Variants in GAS2 observed in about 807,000 individuals in gnomAD.
The protein encoded by GAS2 is growth arrest specific 2, also known as growth arrest-specific protein 2.
GAS2 carries 20 observed loss-of-function variants against 37.5 expected under a neutral mutation model. The observed-to-expected ratio is 0.53, with a 90% confidence interval of 0.37 to 0.77. The LOEUF is 0.77. Ranked by LOEUF, GAS2 falls within the 30% of genes least tolerant of loss-of-function variation. The pLI is 0.00. For missense variants in GAS2, 336 were observed against 373.4 expected, an observed-to-expected ratio of 0.90 and a Z score of 0.82; for synonymous variants, 144 against 132.2, an observed-to-expected ratio of 1.09 and a Z score of -0.61.
At chr11:22,799,145 G>T (rs1856555163) in intron 7 of GAS2, among the ~76,000 whole-genome samples, 1 of 152,042 alleles carries the variant, frequency 6.6e-6, no homozygotes, top group African/African-American at 2.4e-5. Flanking sequence ...TAGGCAGTTG[G>T]TGTCAGATAC....
chr11:22,651,497 A>T (rs1466073509), intron 1 of GAS2, among the ~76,000 whole-genome samples: 1 of 152,180 alleles, frequency 6.6e-6, no homozygotes, highest in African/African-American at 2.4e-5. Context: ...TCTCCTGGAT[A>T]ATATCCTGCA....
chr11:22,779,927 T>TTA (rs1855467554), intron 7 of GAS2, among the ~76,000 whole-genome samples: 1 of 152,196 alleles, frequency 6.6e-6, no homozygotes, highest in Admixed American at 6.5e-5. Flanking sequence ...AAGCACCCTG[T>TTA]AATTTTCTTT....
chr11:22,652,784 A>G (rs1371956074), intron 1 of GAS2, among the ~76,000 whole-genome samples: 1 of 152,100 alleles, frequency 6.6e-6, no homozygotes, highest in Admixed American at 6.5e-5. Context: ...TTCGGCTCGC[A>G]CACGGTGCGC....
At chr11:22,718,528 G>A (rs1229215918) in intron 3 of GAS2, among the ~76,000 whole-genome samples, 1 of 151,726 alleles carries the variant, frequency 6.6e-6, no homozygotes, top group Admixed American at 6.6e-5. Flanking sequence ...GGTGGGAGGG[G>A]GTTGAGGGAT....
intron 3 of GAS2, among the ~76,000 whole-genome samples, chr11:22,699,825 T>C (rs1364487485): frequency 6.6e-6 from 1 of 152,202 alleles, no homozygotes; most frequent in Non-Finnish European, 1.5e-5. Flanking sequence ...GTTAACTTTA[T>C]TGTATCATTC....
At chr11:22,650,794 T>G (rs2133830971) in intron 1 of GAS2, among the ~76,000 whole-genome samples, 1 of 152,308 alleles carries the variant, frequency 6.6e-6, no homozygotes, top group South Asian at 2.1e-4. Flanking sequence ...CATCCTTTTA[T>G]TTTGAGCCTA....
intron 6 of GAS2, among the ~76,000 whole-genome samples, chr11:22,750,177 A>G (rs1853651815): frequency 6.6e-6 from 1 of 152,052 alleles, no homozygotes; most frequent in Non-Finnish European, 1.5e-5. Context: ...GAGAGTCCTT[A>G]GAAACTAGCA....
intron 2 of GAS2, among the ~76,000 whole-genome samples, chr11:22,676,751 G>A (rs1292317632): frequency 1.4e-5 from 2 of 139,898 alleles, no homozygotes; most frequent in African/African-American, 5.1e-5. Context: ...ACATTTGAGT[G>A]TGAAGCAGCA....
At chr11:22,688,673 A>AAC (rs1327220873) in intron 3 of GAS2, among the ~76,000 whole-genome samples, 1 of 152,228 alleles carries the variant, frequency 6.6e-6, no homozygotes, top group African/African-American at 2.4e-5. Flanking sequence ...GCAAGTTATT[A>AAC]AACTTGAAAT....
At chr11:22,707,128 A>G (rs544155837) in intron 3 of GAS2, among the ~76,000 whole-genome samples, 2 of 152,276 alleles carry the variant, frequency 1.3e-5, no homozygotes, top group South Asian at 4.1e-4. Context: ...GCTTGGTGAT[A>G]AATTGTATAG....
At chr11:22,627,618 C>A (rs910897731) in intron 1 of GAS2, among the ~76,000 whole-genome samples, 8 of 151,694 alleles carry the variant, frequency 5.3e-5, no homozygotes, top group African/African-American at 1.9e-4. Context: ...AACAAACAAA[C>A]AAAAAAATTA....
At chr11:22,785,877 A>G (rs1855796391) in intron 7 of GAS2, among the ~76,000 whole-genome samples, 1 of 152,132 alleles carries the variant, frequency 6.6e-6, no homozygotes, top group South Asian at 2.1e-4. Context: ...AGATGTCAAC[A>G]TATTGGCACA....
rs80174628 is a variant in GAS2, at chr11:22,795,919, T to C, written c.724-15879T>C. ...TGGACTAAGGAGCTAGTAGTGAAGATGGTGAGAACAGATTGCATTTTAGAT... is the reference window on the plus strand; with the variant it reads ...TGGACTAAGGAGCTAGTAGTGAAGACGGTGAGAACAGATTGCATTTTAGAT... On this transcript the variant is annotated intron_variant, in intron 7 of 7. Coordinates refer to ENST00000454584, the MANE Select transcript of GAS2 (RefSeq NM_001143830.3). Among the ~76,000 whole-genome samples the C allele has an allele frequency of 5.4e-3, 824 of 152,296 alleles. 13 individuals are homozygous for C. The highest frequency in any genetic ancestry group is 0.038 in the East Asian group (198 of 5,172).
chr11:22,791,224 AG>A lies in GAS2; in HGVS notation c.724-20573del, dbSNP rs138491071. On this transcript the variant is annotated intron_variant, in intron 7 of 7. Transcript: ENST00000454584. Reference sequence around the variant, plus strand: ...GGAATTTCTTGTGAAACTGAGTTAAAGATCTAGAAAAGGTGTAGAGGGGATG... The same window carrying A: ...GGAATTTCTTGTGAAACTGAGTTAAAATCTAGAAAAGGTGTAGAGGGGATG... Among the ~76,000 whole-genome samples the A allele has an allele frequency of 5.1e-3, 779 of 152,320 alleles. 20 individuals carry two copies. The East Asian group carries it at 0.092, about 18-fold the overall frequency.
intron 1 of GAS2, among the ~76,000 whole-genome samples, chr11:22,654,585 A>G (rs969475258): frequency 1.3e-5 from 2 of 151,922 alleles, no homozygotes; most frequent in African/African-American, 4.8e-5. Context: ...TTAGAGACAC[A>G]GGGTCTTGCT....
chr11:22,771,071 T>C (rs564712022), intron 7 of GAS2, among the ~76,000 whole-genome samples: 12 of 152,038 alleles, frequency 7.9e-5, no homozygotes, highest in African/African-American at 2.9e-4. Flanking sequence ...AGTTGGGCAC[T>C]CAGAAGTTAA....
At chr11:22,634,904 G>A (rs912784516) in intron 1 of GAS2, among the ~76,000 whole-genome samples, 24 of 152,194 alleles carry the variant, frequency 1.6e-4, no homozygotes, top group African/African-American at 5.5e-4. Context: ...TGCTGGTCAC[G>A]TGAATAGACT....
At chr11:22,709,929 G>C (rs972352831) in intron 3 of GAS2, among the ~76,000 whole-genome samples, 1 of 149,326 alleles carries the variant, frequency 6.7e-6, no homozygotes, top group South Asian at 2.1e-4. Flanking sequence ...ACCAAACACC[G>C]CATGTTCTCA....
intron 3 of GAS2, among the ~76,000 whole-genome samples, chr11:22,723,475 G>A (rs542469536): frequency 5.3e-5 from 8 of 152,038 alleles, no homozygotes; most frequent in Admixed American, 2.0e-4. Flanking sequence ...ATATTTGAGG[G>A]CTTGTCACTT....
Sources: gnomAD v4.1 joint callset for allele counts (sites outside exome capture counted in the v4.1 genomes callset) on GRCh38, gnomAD v4.1.1 for gene constraint, MANE v1.5 for transcripts, NCBI Gene and HGNC (gene_info 2026-07-23, HGNC 2026-07-21) for gene names.